The following TRAPPC13 variants were observed in gnomAD, a reference collection of about 807,000 sequenced individuals.
The protein encoded by TRAPPC13 is trafficking protein particle complex subunit 13.
A neutral mutation model predicts 54.0 loss-of-function variants in TRAPPC13; 39 were observed. That is an observed-to-expected ratio of 0.72 (90% CI 0.56 to 0.94). The LOEUF (loss-of-function observed/expected upper bound fraction) is 0.94, where lower values mean the gene tolerates loss of function less well. TRAPPC13 is among the 40% of genes least tolerant of loss of function. The pLI, the probability that TRAPPC13 is intolerant of heterozygous loss-of-function variation, is 0.00. For synonymous variants in TRAPPC13, 148 were observed against 167.7 expected, an observed-to-expected ratio of 0.88 and a Z score of 0.91; for missense variants, 386 against 488.1, an observed-to-expected ratio of 0.79 and a Z score of 1.97.
intron 5 of TRAPPC13, 139 bp downstream of exon 5, chr5:65,647,321 C>T: frequency 1.5e-6 from 1 of 668,992 alleles, no homozygotes; most frequent in Non-Finnish European, 2.3e-6. Flanking sequence ...GGCATGTTTA[C>T]CAGAAATAAA....
At chr5:65,638,724 A>T (rs1457303656) in intron 4 of TRAPPC13, among the ~76,000 whole-genome samples, 1 of 152,192 alleles carries the variant, frequency 6.6e-6, no homozygotes, top group Non-Finnish European at 1.5e-5. Flanking sequence ...GGAGCAAGTC[A>T]TGTCTCACGT....
chr5:65,628,612 C>T (rs550907371), intron 1 of TRAPPC13, among the ~76,000 whole-genome samples: 2 of 152,098 alleles, frequency 1.3e-5, no homozygotes, highest in African/African-American at 4.8e-5. Context: ...GCTGGGATTA[C>T]AGGCACACGC....
In TRAPPC13 at chr5:65,645,213, A is replaced by AAAAAAAT. The variant is rs1756139747; in HGVS notation, c.301-1841_301-1840insAAAAATA. On this transcript the variant is annotated intron_variant, in intron 4 of 12. Transcript: ENST00000399438. Reference sequence around the variant, plus strand: ...AACTCTGTCTCAAAAAAAAAAAAAAAAGAATTTTGAATCTCAGCTTTATTA... The same window carrying AAAAAAAT: ...AACTCTGTCTCAAAAAAAAAAAAAAAAAAAAATAGAATTTTGAATCTCAGCTTTATTA... 2.0e-5 allele frequency among the ~76,000 whole-genome samples: 3 copies of AAAAAAAT among 151,690 alleles called. No homozygotes were observed. In the South Asian group the frequency reaches 6.2e-4, roughly 32 times the overall value.
chr5:65,632,527 A>G (rs1755587103), intron 1 of TRAPPC13, among the ~76,000 whole-genome samples: 4 of 152,188 alleles, frequency 2.6e-5, no homozygotes, highest in Admixed American at 2.6e-4. Context: ...ATTATTATAG[A>G]GAATTATTTT....
chr5:65,628,439 T>C (rs1031911010), intron 1 of TRAPPC13, among the ~76,000 whole-genome samples: 1 of 152,088 alleles, frequency 6.6e-6, no homozygotes, highest in African/African-American at 2.4e-5. Context: ...TATCTATATA[T>C]TTGTTTGGTG....
chr5:65,664,894 T>C lies in TRAPPC13; in HGVS notation c.*283T>C, dbSNP rs953889964. 1 of 392,166 alleles carries C rather than the reference T, an allele frequency of 2.5e-6. No individual in the cohort carries two copies. The highest frequency in any genetic ancestry group is 2.1e-5 in the African/African-American group (1 of 46,682). The allele number at this position is 392,166 out of a possible 1,614,324, so 24.3% of individuals were successfully genotyped here. ...TCCAAAAGCTGTGTATCTGAGACCA[T>C]TTGTCCCTAGCAAGTTATCTAGAAC... On this transcript the variant is annotated 3_prime_UTR_variant, in exon 13 of 13. Coordinates refer to ENST00000399438, the MANE Select transcript of TRAPPC13 (RefSeq NM_024941.4).
chr5:65,636,133 G>T, intron 3 of TRAPPC13, 90 bp downstream of exon 3: 34 of 748,992 alleles, frequency 4.5e-5, no homozygotes, highest in Non-Finnish European at 6.6e-5. Flanking sequence ...AAATGCTCAT[G>T]ATACATTTAC....
chr5:65,651,451 A>T (rs1756429569), intron 6 of TRAPPC13, among the ~76,000 whole-genome samples: 1 of 152,198 alleles, frequency 6.6e-6, no homozygotes, highest in African/African-American at 2.4e-5. Context: ...AATGAGTGTA[A>T]AGTCCAGATA....
In TRAPPC13 at chr5:65,664,255, G is replaced by A. The variant is rs1430263210; in HGVS notation, c.1017G>A (p.Leu339=). The change falls in exon 12 of 13, where the codon CTG becomes CTA. Residue 339 remains leucine (L), a synonymous_variant. Transcript: ENST00000399438. ...CCAGCAGTGAAAGGACTATGGATCT[G>A]GTTTTGGAAATGTGCAATACCAATT... The part of the protein sequence containing the change: ...ITNCSERTMD[L]VLEMCNTNSI... The A allele has an allele frequency of 1.9e-6, 3 of 1,613,698 alleles. No individual in the cohort carries two copies. The highest frequency in any genetic ancestry group is 1.7e-6 in the Non-Finnish European group (2 of 1,179,796).
chr5:65,627,698 C>T (rs772466544), intron 1 of TRAPPC13, among the ~76,000 whole-genome samples: 1 of 151,798 alleles, frequency 6.6e-6, no homozygotes, highest in African/African-American at 2.4e-5. Context: ...TTCTCAGTGC[C>T]ATATTTTACA....
chr5:65,640,625 C>A (rs1248596834), intron 4 of TRAPPC13, among the ~76,000 whole-genome samples: 1 of 152,174 alleles, frequency 6.6e-6, no homozygotes, highest in Non-Finnish European at 1.5e-5. Context: ...AGAACATATA[C>A]TTTTGTCTTT....
rs781350800 is a variant in TRAPPC13 at position 65,660,686 on chromosome 5, C to G, written c.699-13C>G. 2 of 1,567,468 alleles carry G rather than the reference C, an allele frequency of 1.3e-6. No homozygotes were observed. The highest frequency in any genetic ancestry group is 1.2e-5 in the South Asian group (1 of 83,208). On this transcript the variant is annotated splice_polypyrimidine_tract_variant and intron_variant, in intron 9 of 12. Coordinates refer to ENST00000399438, the MANE Select transcript of TRAPPC13 (RefSeq NM_024941.4). Reference sequence around the variant, plus strand: ...TAGAGAATTTTCTCCGTCTCTGTCTCCACCCCTCTCAGTGTGTCTACGTTT... The same window carrying G: ...TAGAGAATTTTCTCCGTCTCTGTCTGCACCCCTCTCAGTGTGTCTACGTTT...
chr5:65,631,748 C>T (rs1755551384), intron 1 of TRAPPC13, among the ~76,000 whole-genome samples: 1 of 152,098 alleles, frequency 6.6e-6, no homozygotes, highest in Non-Finnish European at 1.5e-5. Context: ...GTTGGGATCA[C>T]TTTATTTTTA....
chr5:65,630,205 G>A (rs1256668116), intron 1 of TRAPPC13: 2 of 1,535,798 alleles, frequency 1.3e-6, no homozygotes, highest in South Asian at 1.2e-5. Context: ...CAATTCAGAG[G>A]CATTTAGGCC....
intron 4 of TRAPPC13, among the ~76,000 whole-genome samples, chr5:65,643,713 A>C (rs1442157015): frequency 6.6e-6 from 1 of 150,462 alleles, no homozygotes; most frequent in Non-Finnish European, 1.5e-5. Flanking sequence ...GCTACTCGGG[A>C]GGCTGAGGCA....
At chr5:65,632,671 A>G (rs1485514359) in intron 1 of TRAPPC13, among the ~76,000 whole-genome samples, 1 of 152,224 alleles carries the variant, frequency 6.6e-6, no homozygotes, top group East Asian at 1.9e-4. Context: ...TGTAATACCA[A>G]CTTAGAGAGT....
chr5:65,648,670 C>G (rs565550209), intron 5 of TRAPPC13, among the ~76,000 whole-genome samples: 2 of 152,152 alleles, frequency 1.3e-5, no homozygotes, highest in African/African-American at 4.8e-5. Flanking sequence ...CTTCCTAGCC[C>G]CTGCCTTACT....
At chr5:65,650,941 C>CAGTT in intron 6 of TRAPPC13, 59 bp downstream of exon 6, 1 of 1,225,990 alleles carries the variant, frequency 8.2e-7, no homozygotes, top group Non-Finnish European at 1.2e-6. Flanking sequence ...TGGTAGTATA[C>CAGTT]AGTTATTCCC....
chr5:65,637,544 T>C (rs1351131391), intron 3 of TRAPPC13, among the ~76,000 whole-genome samples, 152 bp from the exon 4 acceptor site: 1 of 145,904 alleles, frequency 6.9e-6, no homozygotes, highest in Non-Finnish European at 1.5e-5. Context: ...GGCAGGAGAA[T>C]GGGGTGAACA....
Sources: allele counts gnomAD v4.1 joint callset (sites outside exome capture counted in the v4.1 genomes callset), GRCh38; gene constraint gnomAD v4.1.1; transcripts MANE v1.5; gene names NCBI Gene and HGNC (gene_info 2026-07-23, HGNC 2026-07-21).